Variants in LPAR3 observed in about 807,000 individuals in gnomAD.
LPAR3 encodes lysophosphatidic acid receptor 3.
In LPAR3, 7 loss-of-function variants were observed where a neutral mutation model predicts 17.8. The ratio of observed to expected loss-of-function variants is 0.39; its 90% CI spans 0.22 to 0.74. LPAR3 has a LOEUF of 0.74. LPAR3 is among the 30% of genes least tolerant of loss of function. The pLI, the probability that LPAR3 is intolerant of heterozygous loss-of-function variation, is 0.40. For synonymous variants in LPAR3, 179 were observed against 179.9 expected, an observed-to-expected ratio of 0.99 and a Z score of 0.04; for missense variants, 391 against 453.4, an observed-to-expected ratio of 0.86 and a Z score of 1.25.
At chr1:84,826,007 T>C (rs1659146898) in intron 2 of LPAR3, among the ~76,000 whole-genome samples, 1 of 152,086 alleles carries the variant, frequency 6.6e-6, no homozygotes, top group African/African-American at 2.4e-5. Context: ...CTTTCCTGAG[T>C]GTAAGGTCTT....
chr1:84,892,814 G>C (rs929699435), intron 1 of LPAR3, among the ~76,000 whole-genome samples: 2 of 152,228 alleles, frequency 1.3e-5, no homozygotes, highest in African/African-American at 4.8e-5. Context: ...GGTGGGAAAA[G>C]AGCAAGTTGT....
rs112076505 is a variant in LPAR3, at chr1:84,875,002, C to T, written c.-18-8864G>A. On this transcript the variant is annotated intron_variant, in intron 1 of 2. Coordinates refer to ENST00000370611, the MANE Select transcript of LPAR3 (RefSeq NM_012152.3). ...GCAACCTCCACCTTCCTGGTTCAAG[C>T]GATTCTCCTGCTTCAGCCTCCTGAG... Among the ~76,000 whole-genome samples the T allele has an allele frequency of 6.1e-3, 922 of 151,534 alleles. 13 individuals are homozygous for T. The highest frequency in any genetic ancestry group is 0.021 in the African/African-American group (859 of 41,250).
intron 2 of LPAR3, among the ~76,000 whole-genome samples, chr1:84,828,082 C>T (rs1215412831): frequency 6.6e-6 from 1 of 152,080 alleles, no homozygotes; most frequent in Non-Finnish European, 1.5e-5. Context: ...CATCTGAGAT[C>T]TGGACACTAC....
chr1:84,827,564 G>C (rs1570862024), intron 2 of LPAR3, among the ~76,000 whole-genome samples: 2 of 152,144 alleles, frequency 1.3e-5, no homozygotes, highest in African/African-American at 4.8e-5. Context: ...GTCACCCCCA[G>C]AGTGGGCGAT....
chr1:84,865,491 G>A lies in LPAR3; in HGVS notation c.630C>T (p.Tyr210=), dbSNP rs763384773. 2.4e-5 allele frequency: 39 copies of A among 1,614,164 alleles called. No individual in the cohort carries two copies. Among genetic ancestry groups the A allele is most frequent in the Middle Eastern group, 1.6e-4 (1 of 6,062 alleles). Residue 210 remains tyrosine (Y), a synonymous_variant, in exon 2 of 3, where the codon TAC becomes TAT. Coordinates refer to ENST00000370611, the MANE Select transcript of LPAR3 (RefSeq NM_012152.3). Reference sequence around the variant, plus strand: ...CGTTGGTTTTCCTCTTGACGTACACGTAGATCCGCAGGTACACCACAACCA... The same window carrying A: ...CGTTGGTTTTCCTCTTGACGTACACATAGATCCGCAGGTACACCACAACCA... ...LIMVVVYLRI[Y]VYVKRKTNVL... is the part of the protein sequence containing the mutation.
intron 2 of LPAR3, among the ~76,000 whole-genome samples, chr1:84,828,219 A>G (rs1275123653): frequency 6.6e-6 from 1 of 152,072 alleles, no homozygotes; most frequent in Non-Finnish European, 1.5e-5. Flanking sequence ...GTGTACCCTG[A>G]TAATTCTTAA....
chr1:84,821,445 T>G (rs1002622037), intron 2 of LPAR3, among the ~76,000 whole-genome samples: 2 of 152,328 alleles, frequency 1.3e-5, no homozygotes, highest in South Asian at 2.1e-4. Context: ...TCTTATATTT[T>G]AGAGTAAATT....
intron 1 of LPAR3, among the ~76,000 whole-genome samples, chr1:84,883,365 T>C (rs930552293): frequency 6.6e-6 from 1 of 152,218 alleles, no homozygotes; most frequent in Non-Finnish European, 1.5e-5. Context: ...TCTACCAATC[T>C]AGTCAGAGAG....
At chr1:84,821,923 T>C (rs1432832021) in intron 2 of LPAR3, among the ~76,000 whole-genome samples, 3 of 152,178 alleles carry the variant, frequency 2.0e-5, no homozygotes, top group Non-Finnish European at 4.4e-5. Context: ...GTTTTAGGCA[T>C]CAGGCACTTA....
chr1:84,865,505 A>T lies in LPAR3; in HGVS notation c.616T>A (p.Tyr206Asn), dbSNP rs1660025672. 6.2e-7 allele frequency: 1 copy of T among 1,614,198 alleles called. No individual in the cohort carries two copies. The highest frequency in any genetic ancestry group is 2.2e-5 in the East Asian group (1 of 44,878). Reference protein sequence around the residue: ...LMAFLIMVVVYLRIYVYVKRK... With the variant: ...LMAFLIMVVVNLRIYVYVKRK... ...TTGACGTACACGTAGATCCGCAGGTACACCACAACCATGATGAGGAAGGCC... is the reference window on the plus strand; with the variant it reads ...TTGACGTACACGTAGATCCGCAGGTTCACCACAACCATGATGAGGAAGGCC... The change falls in exon 2 of 3, where the codon TAC (tyrosine) becomes AAC (asparagine). Residue 206 changes from tyrosine (Y) to asparagine (N), a missense_variant. Transcript: ENST00000370611.
At chr1:84,887,957 G>A (rs1441910200) in intron 1 of LPAR3, among the ~76,000 whole-genome samples, 1 of 152,104 alleles carries the variant, frequency 6.6e-6, no homozygotes, top group East Asian at 1.9e-4. Context: ...GGGCTCTGTG[G>A]ATTGGATGAT....
At chr1:84,828,346 C>A (rs375360366) in intron 2 of LPAR3, among the ~76,000 whole-genome samples, 1 of 152,188 alleles carries the variant, frequency 6.6e-6, no homozygotes, top group East Asian at 1.9e-4. Flanking sequence ...TGATTCAGAG[C>A]AGCATTCAAA....
At chr1:84,877,930 T>C (rs1660288496) in intron 1 of LPAR3, among the ~76,000 whole-genome samples, 1 of 152,100 alleles carries the variant, frequency 6.6e-6, no homozygotes, top group South Asian at 2.1e-4. Context: ...TTCAGTTAGT[T>C]GGTTATAAGG....
chr1:84,835,120 C>T (rs575269886), intron 2 of LPAR3, among the ~76,000 whole-genome samples: 17 of 152,262 alleles, frequency 1.1e-4, no homozygotes, highest in South Asian at 2.1e-4. Context: ...GTTCTGGATC[C>T]TTCAAAACTC....
At chr1:84,815,915 T>C (rs116825108) in intron 2 of LPAR3, among the ~76,000 whole-genome samples, 1,650 of 152,300 alleles carry the variant, frequency 0.011, 42 homozygotes, top group African/African-American at 0.038. Flanking sequence ...CTTGTATTAT[T>C]ATTTTCGGTC....
intron 2 of LPAR3, among the ~76,000 whole-genome samples, chr1:84,854,397 A>G (rs1326237394): frequency 6.6e-6 from 1 of 152,102 alleles, no homozygotes; most frequent in African/African-American, 2.4e-5. Flanking sequence ...GCCCTTATGT[A>G]TATTTCTTTG....
intron 2 of LPAR3, among the ~76,000 whole-genome samples, chr1:84,832,628 A>G (rs1659307293): frequency 6.6e-6 from 1 of 152,166 alleles, no homozygotes; most frequent in Non-Finnish European, 1.5e-5. Flanking sequence ...CCAAATATGT[A>G]ACATATAAAT....
intron 2 of LPAR3, among the ~76,000 whole-genome samples, chr1:84,841,829 A>G (rs1437337238): frequency 6.6e-6 from 1 of 152,182 alleles, no homozygotes; most frequent in African/African-American, 2.4e-5. Context: ...CCTGGACCCC[A>G]GCTCTGGCCA....
At chr1:84,844,147 A>G (rs1442301990) in intron 2 of LPAR3, among the ~76,000 whole-genome samples, 5 of 152,256 alleles carry the variant, frequency 3.3e-5, no homozygotes, top group Non-Finnish European at 5.9e-5. Context: ...TGCAGACCTC[A>G]GCAAATGTTA....
Sources: allele counts gnomAD v4.1 joint callset (sites outside exome capture counted in the v4.1 genomes callset), GRCh38; gene constraint gnomAD v4.1.1; transcripts MANE v1.5; gene names NCBI Gene and HGNC (gene_info 2026-07-23, HGNC 2026-07-21).